The following DDX10 variants were observed in gnomAD, a reference collection of about 807,000 sequenced individuals.
The protein encoded by DDX10 is probable ATP-dependent RNA helicase DDX10.
A neutral mutation model predicts 104.3 loss-of-function variants in DDX10; 74 were observed. That is an observed-to-expected ratio of 0.71 (90% CI 0.59 to 0.86). The LOEUF (loss-of-function observed/expected upper bound fraction) is 0.86. Among genes scored for constraint, DDX10 ranks in the 40% least tolerant of loss-of-function variants. DDX10 has a pLI of 0.00. For missense variants in DDX10, 952 were observed against 1,040.0 expected (o/e 0.92, Z 1.16); for synonymous variants, 351 against 353.4 (o/e 0.99, Z 0.08).
chr11:108,922,264 A>AAGAGAG (rs796079569), intron 17 of DDX10: 2 of 93,888 alleles, frequency 2.1e-5, no homozygotes, highest in Non-Finnish European at 4.4e-5. Flanking sequence ...AAAAAAAAAA[A>AAGAGAG]AGAGAGAGAG....
chr11:108,672,447 A>G (rs1010991396), intron 1 of DDX10, among the ~76,000 whole-genome samples: 5 of 152,230 alleles, frequency 3.3e-5, no homozygotes, highest in African/African-American at 1.2e-4. Flanking sequence ...CGTTCTTCTA[A>G]TGCTGGTACA....
At chr11:108,698,785 G>A (rs1027673507) in intron 9 of DDX10, among the ~76,000 whole-genome samples, 27 of 152,178 alleles carry the variant, frequency 1.8e-4, no homozygotes, top group Admixed American at 5.2e-4. Context: ...GACCCCCTGG[G>A]CCTAAACTAT....
At chr11:108,709,203 A>T (rs2094280719) in intron 10 of DDX10, among the ~76,000 whole-genome samples, 1 of 152,196 alleles carries the variant, frequency 6.6e-6, no homozygotes, top group Non-Finnish European at 1.5e-5. Flanking sequence ...CTCACCATGA[A>T]GTATGATATT....
intron 13 of DDX10, among the ~76,000 whole-genome samples, chr11:108,762,757 A>C (rs1016884847): frequency 7.9e-5 from 12 of 152,116 alleles, no homozygotes; most frequent in African/African-American, 2.9e-4. Context: ...AATTATATAC[A>C]TTTTTACCCT....
intron 16 of DDX10, among the ~76,000 whole-genome samples, chr11:108,887,268 TATTAATA>T (rs1863309654): frequency 6.6e-6 from 1 of 152,158 alleles, no homozygotes; most frequent in African/African-American, 2.4e-5. Context: ...TAGTCAAGGC[TATTAATA>T]ATAGAATAGA....
At chr11:108,753,521 C>G (rs11212775) in intron 13 of DDX10, among the ~76,000 whole-genome samples, 1 of 151,986 alleles carries the variant, frequency 6.6e-6, no homozygotes, top group South Asian at 2.1e-4. Context: ...CTCAAATGGC[C>G]GTTCTCCCTC....
intron 3 of DDX10, 90 bp downstream of exon 3, chr11:108,675,816 A>G (rs922468370): frequency 6.7e-7 from 1 of 1,483,496 alleles, no homozygotes; most frequent in Non-Finnish European, 9.2e-7. Context: ...AGATGTTTTC[A>G]TGTTAGATTT....
At chr11:108,923,562 A>G (rs963803708) in intron 17 of DDX10, among the ~76,000 whole-genome samples, 1 of 152,240 alleles carries the variant, frequency 6.6e-6, no homozygotes, top group Non-Finnish European at 1.5e-5. Flanking sequence ...AGTGCCTGTC[A>G]TGGGCCAGGC....
chr11:108,727,561 A>C (rs1338262198), intron 13 of DDX10, among the ~76,000 whole-genome samples: 1 of 152,190 alleles, frequency 6.6e-6, no homozygotes, highest in Non-Finnish European at 1.5e-5. Flanking sequence ...TTTTATTGCC[A>C]TATGAATAAA....
At chr11:108,715,379 G>A (rs1246741371) in intron 10 of DDX10, among the ~76,000 whole-genome samples, 3 of 152,262 alleles carry the variant, frequency 2.0e-5, no homozygotes, top group African/African-American at 4.8e-5. Context: ...CAGACTAGCC[G>A]TGCATGTTGG....
intron 16 of DDX10, among the ~76,000 whole-genome samples, chr11:108,899,696 T>C (rs1013638016): frequency 3.9e-5 from 6 of 152,266 alleles, no homozygotes; most frequent in African/African-American, 1.4e-4. Flanking sequence ...TATTGAATTG[T>C]AATCCCCAAT....
intron 13 of DDX10, among the ~76,000 whole-genome samples, chr11:108,803,188 A>G (rs1862047690): frequency 6.6e-6 from 1 of 152,102 alleles, no homozygotes; most frequent in Non-Finnish European, 1.5e-5. Flanking sequence ...ACTTGATTCA[A>G]TATTGCAAGC....
At chr11:108,902,195 A>G (rs1321663337) in intron 16 of DDX10, among the ~76,000 whole-genome samples, 2 of 152,190 alleles carry the variant, frequency 1.3e-5, no homozygotes, top group African/African-American at 4.8e-5. Context: ...ACAGGGCTCT[A>G]ACTCATGAAA....
At chr11:108,715,561 G>A (rs1164190180) in intron 10 of DDX10, among the ~76,000 whole-genome samples, 1 of 152,194 alleles carries the variant, frequency 6.6e-6, no homozygotes, top group Non-Finnish European at 1.5e-5. Flanking sequence ...ATTTCATATA[G>A]AATGGATCTC....
At chr11:108,846,822 C>T (rs906392321) in intron 15 of DDX10, among the ~76,000 whole-genome samples, 2 of 142,284 alleles carry the variant, frequency 1.4e-5, no homozygotes, top group African/African-American at 2.5e-5. Flanking sequence ...AGAGTACAAA[C>T]CAGACCAGAC....
intron 7 of DDX10, 103 bp from the exon 8 acceptor site, chr11:108,691,773 C>A: frequency 1.1e-6 from 1 of 931,520 alleles, no homozygotes; most frequent in Non-Finnish European, 1.5e-6. Context: ...AATTGGGTAT[C>A]ACATTGCTCT....
At chr11:108,695,368 A>C (rs1197738611) in intron 9 of DDX10, among the ~76,000 whole-genome samples, 1 of 152,216 alleles carries the variant, frequency 6.6e-6, no homozygotes, top group African/African-American at 2.4e-5. Flanking sequence ...AACTGGACCA[A>C]TGGTTGCTTC....
intron 4 of DDX10, among the ~76,000 whole-genome samples, chr11:108,677,843 A>G (rs1306388228): frequency 3.4e-4 from 51 of 151,928 alleles, no homozygotes; most frequent in Admixed American, 3.3e-3. Flanking sequence ...AATTAACAAC[A>G]TTCTGTTTTT....
At chr11:108,702,229 GCTTA>G (rs1312315093) in intron 9 of DDX10, among the ~76,000 whole-genome samples, 4 of 152,078 alleles carry the variant, frequency 2.6e-5, no homozygotes, top group African/African-American at 9.7e-5. Flanking sequence ...CAAAAATAAT[GCTTA>G]CTAACTGTAC....
Sources: gnomAD v4.1 joint callset for allele counts (sites outside exome capture counted in the v4.1 genomes callset) on GRCh38, gnomAD v4.1.1 for gene constraint, MANE v1.5 for transcripts, NCBI Gene and HGNC (gene_info 2026-07-23, HGNC 2026-07-21) for gene names.